Variants in CYP7B1 observed in about 807,000 individuals in gnomAD.
The protein encoded by CYP7B1 is cytochrome P450 7B1.
In CYP7B1, 29 loss-of-function variants were observed where a neutral mutation model predicts 42.7. The observed-to-expected ratio is 0.68, with a 90% confidence interval of 0.51 to 0.93. The LOEUF (loss-of-function observed/expected upper bound fraction) is 0.93, where lower values mean the gene tolerates loss of function less well. CYP7B1 is among the 40% of genes least tolerant of loss of function. The pLI is 0.00. For synonymous variants in CYP7B1, 235 were observed against 218.2 expected (o/e 1.08, Z -0.68); for missense variants, 655 against 600.5 (o/e 1.09, Z -0.95).
chr8:64,664,296 A>C (rs562774930), intron 1 of CYP7B1, among the ~76,000 whole-genome samples: 1 of 152,168 alleles, frequency 6.6e-6, no homozygotes, highest in Admixed American at 6.5e-5. Flanking sequence ...GCCACACCAT[A>C]TATATTTACA....
chr8:64,792,761 G>T (rs546713939), intron 1 of CYP7B1, among the ~76,000 whole-genome samples: 19 of 152,290 alleles, frequency 1.2e-4, no homozygotes, highest in African/African-American at 4.6e-4. Flanking sequence ...TGATGATTTA[G>T]ATGATGAGAT....
intron 1 of CYP7B1, among the ~76,000 whole-genome samples, chr8:64,739,803 A>G (rs1807542668): frequency 6.6e-6 from 1 of 152,172 alleles, no homozygotes; most frequent in Non-Finnish European, 1.5e-5. Context: ...AAAATCTTGA[A>G]AGAAACCAGA....
At chr8:64,684,605 A>G (rs1279458695) in intron 1 of CYP7B1, among the ~76,000 whole-genome samples, 4 of 152,336 alleles carry the variant, frequency 2.6e-5, no homozygotes, top group Admixed American at 2.0e-4. Flanking sequence ...TCAGCATTTC[A>G]ACATTTCTTC....
At chr8:64,727,806 G>T (rs1430111488) in intron 1 of CYP7B1, 2 of 152,034 alleles carry the variant, frequency 1.3e-5, no homozygotes, top group Non-Finnish European at 2.9e-5. Flanking sequence ...AACTCCAATG[G>T]TATCTTCTAT....
At chr8:64,753,246 A>T (rs548578831) in intron 1 of CYP7B1, among the ~76,000 whole-genome samples, 1 of 152,344 alleles carries the variant, frequency 6.6e-6, no homozygotes, top group Non-Finnish European at 1.5e-5. Flanking sequence ...TTCAAAGCCA[A>T]AAACAAATGC....
chr8:64,726,612 A>T (rs1807328999), intron 1 of CYP7B1, among the ~76,000 whole-genome samples: 1 of 152,188 alleles, frequency 6.6e-6, no homozygotes, highest in African/African-American at 2.4e-5. Context: ...CTGATTTGCA[A>T]GATTTGAGTG....
chr8:64,797,549 TC>T (rs1337528941), intron 1 of CYP7B1, among the ~76,000 whole-genome samples: 3 of 152,176 alleles, frequency 2.0e-5, no homozygotes, highest in Non-Finnish European at 4.4e-5. Context: ...AGTACTCATC[TC>T]CAGGCATTCT....
intron 1 of CYP7B1, among the ~76,000 whole-genome samples, chr8:64,658,389 A>G (rs187147170): frequency 1.3e-5 from 2 of 152,102 alleles, no homozygotes; most frequent in Admixed American, 1.3e-4. Context: ...AACACTGAGA[A>G]GTAAAGTTTT....
At chr8:64,623,554 G>T (rs142691107) in intron 2 of CYP7B1, among the ~76,000 whole-genome samples, 32 of 152,282 alleles carry the variant, frequency 2.1e-4, no homozygotes, top group Middle Eastern at 3.4e-3. Flanking sequence ...AGCTGATACA[G>T]CTACATAGTT....
intron 1 of CYP7B1, among the ~76,000 whole-genome samples, chr8:64,715,325 G>A (rs1807139717): frequency 6.6e-6 from 1 of 152,176 alleles, no homozygotes; most frequent in South Asian, 2.1e-4. Context: ...AAATCACTGT[G>A]AACAGGGGTC....
At chr8:64,747,793 A>G (rs35328846) in intron 1 of CYP7B1, among the ~76,000 whole-genome samples, 35,455 of 152,040 alleles carry the variant, frequency 0.23, 4,645 homozygotes, top group African/African-American at 0.35. Context: ...ATTATCACAT[A>G]AAAGCACTTA....
intron 1 of CYP7B1, chr8:64,734,359 A>C (rs376556820): frequency 7.9e-5 from 12 of 152,348 alleles, no homozygotes; most frequent in African/African-American, 2.6e-4. Context: ...TAGAAGCTGG[A>C]AAGTCCAAAA....
At chr8:64,622,136 T>G (rs1420659231) in intron 2 of CYP7B1, among the ~76,000 whole-genome samples, 1 of 151,876 alleles carries the variant, frequency 6.6e-6, no homozygotes, top group South Asian at 2.1e-4. Context: ...ATTTGAATAA[T>G]AATGCATAAA....
intron 1 of CYP7B1, among the ~76,000 whole-genome samples, chr8:64,789,045 C>T (rs544928266): frequency 1.5e-4 from 23 of 152,204 alleles, no homozygotes; most frequent in East Asian, 5.8e-4. Context: ...CTCAGCCTCC[C>T]GAGTAGCTGG....
chr8:64,788,277 G>A (rs978214927), intron 1 of CYP7B1, among the ~76,000 whole-genome samples: 9 of 152,220 alleles, frequency 5.9e-5, no homozygotes, highest in East Asian at 3.8e-4. Context: ...AGTGGGCAGC[G>A]AGAGGTAGGG....
intron 1 of CYP7B1, among the ~76,000 whole-genome samples, chr8:64,742,702 G>T (rs1807587885): frequency 1.3e-5 from 2 of 152,124 alleles, no homozygotes; most frequent in Non-Finnish European, 2.9e-5. Flanking sequence ...TTCTCACTGA[G>T]TCCTCACCTG....
chr8:64,650,476 C>T (rs1008701706), intron 1 of CYP7B1, among the ~76,000 whole-genome samples: 4 of 151,820 alleles, frequency 2.6e-5, no homozygotes, highest in African/African-American at 4.8e-5. Flanking sequence ...GATGAGACCC[C>T]GTCTCTACCA....
rs766865426 is a variant in CYP7B1, at chr8:64,697,442, G to A, written c.123-72903C>T. 2.6e-5 allele frequency among the ~76,000 whole-genome samples: 4 copies of A among 152,130 alleles called. 1 individual carries two copies. Among genetic ancestry groups the A allele is most frequent in the Non-Finnish European group, 1.5e-5 (1 of 68,024 alleles). On this transcript the variant is annotated intron_variant, in intron 1 of 5. Coordinates refer to ENST00000310193, the MANE Select transcript of CYP7B1 (RefSeq NM_004820.5). ...ACTGTAAACTCTGAGAGAACAGGAC[G>A]TGTGTCTGTCTTGTCCATTTCTGTA...
intron 1 of CYP7B1, among the ~76,000 whole-genome samples, chr8:64,743,318 C>T (rs1471552748): frequency 1.3e-5 from 2 of 152,108 alleles, no homozygotes; most frequent in African/African-American, 4.8e-5. Context: ...TGATTCAACA[C>T]TAATTAGTTG....
Sources: gnomAD v4.1 joint callset for allele counts (sites outside exome capture counted in the v4.1 genomes callset) on GRCh38, gnomAD v4.1.1 for gene constraint, MANE v1.5 for transcripts, NCBI Gene and HGNC (gene_info 2026-07-23, HGNC 2026-07-21) for gene names.